Variants in RASGRF1 observed in about 807,000 individuals in gnomAD.
RASGRF1 encodes Ras protein specific guanine nucleotide releasing factor 1, also known as ras-specific guanine nucleotide-releasing factor 1.
Under a neutral mutation model 138.7 loss-of-function variants are expected in RASGRF1, and 40 were observed. The observed-to-expected ratio is 0.29, with a 90% CI of 0.22 to 0.38. The LOEUF (loss-of-function observed/expected upper bound fraction) is 0.38, where lower values mean the gene tolerates loss of function less well. RASGRF1 is among the 10% of genes least tolerant of loss of function. RASGRF1 has a pLI of 1.00. For missense variants in RASGRF1, 1,108 were observed against 1,650.4 expected (o/e 0.67, Z 5.69); for synonymous variants, 614 against 663.2 (o/e 0.93, Z 1.14).
chr15:78,987,795 AGACGG>A (rs2056192232), intron 22 of RASGRF1, among the ~76,000 whole-genome samples: 1 of 152,132 alleles, frequency 6.6e-6, no homozygotes, highest in South Asian at 2.1e-4. Flanking sequence ...TTGTGGAGAG[AGACGG>A]GACTAGGGTG....
At chr15:79,019,341 CT>C (rs2056926106) in intron 11 of RASGRF1, among the ~76,000 whole-genome samples, 1 of 152,298 alleles carries the variant, frequency 6.6e-6, no homozygotes, top group African/African-American at 2.4e-5. Context: ...ATCCCACCCC[CT>C]AATCTGAATA....
intron 10 of RASGRF1, among the ~76,000 whole-genome samples, chr15:79,020,978 G>C (rs1268327026): frequency 6.6e-6 from 1 of 152,164 alleles, no homozygotes; most frequent in African/African-American, 2.4e-5. Context: ...TGTTGTGGGG[G>C]ACACCAACTG....
chr15:79,067,795 A>G (rs2057699638), intron 1 of RASGRF1, among the ~76,000 whole-genome samples: 1 of 152,132 alleles, frequency 6.6e-6, no homozygotes, highest in South Asian at 2.1e-4. Context: ...GAGATAAGAT[A>G]GAGATAGATG....
At chr15:78,990,582 A>G (rs1225329507) in intron 21 of RASGRF1, among the ~76,000 whole-genome samples, 4 of 146,820 alleles carry the variant, frequency 2.7e-5, no homozygotes, top group Non-Finnish European at 4.6e-5. Context: ...GAAGGCACAC[A>G]TGGTGGAAAT....
intron 1 of RASGRF1, among the ~76,000 whole-genome samples, chr15:79,089,397 A>C (rs1595984896): frequency 1.3e-5 from 2 of 151,072 alleles, no homozygotes; most frequent in African/African-American, 4.9e-5. Context: ...GCTCACCCCC[A>C]CCCCGCCCGG....
chr15:79,047,683 C>A (rs2057373354), intron 4 of RASGRF1, among the ~76,000 whole-genome samples: 1 of 152,158 alleles, frequency 6.6e-6, no homozygotes, highest in Non-Finnish European at 1.5e-5. Context: ...TGGAGCTGGG[C>A]TGCTTGGAGT....
At position 78,973,890 on chromosome 15, in the gene RASGRF1, C is replaced by T. The variant is rs1225416308; in HGVS notation, c.3495-470G>A. The stretch of plus-strand genomic sequence containing the variant: ...CAGTCACCCTATCTGACACCCTTGT[C>T]TCTGCTCCCTGAGACCTCTCCTGTC... On this transcript the variant is annotated intron_variant, in intron 24 of 26. Coordinates refer to ENST00000558480, the MANE Select transcript of RASGRF1 (RefSeq NM_001145648.3). The surrounding 1 kb of genome is among the most constrained non-coding windows in gnomAD (Gnocchi z 4.9). Among the ~76,000 whole-genome samples, 2 of 152,214 alleles carry T rather than the reference C, an allele frequency of 1.3e-5. No individual in the cohort carries two copies. Among genetic ancestry groups the T allele is most frequent in the Non-Finnish European group, 2.9e-5 (2 of 68,034 alleles).
Position 78,991,721 on chromosome 15 carries a change from T to A in RASGRF1, c.3101A>T (p.Asp1034Val), listed in dbSNP as rs1207506481. ...LEIAEQLTLL[D>V]HLVFKKIPYE... ...AGGAATCTTCTTGAAGACGAGGTGA[T>A]CTAGCAGGGTCAGCTGCTCCGCGAT... The change falls in exon 21 of 27, where the codon GAT becomes GTT. Residue 1034 changes from aspartate to valine, a missense_variant. Asp to Val is a radical substitution (Grantham distance 152). This residue lies in a region of RASGRF1 where 686 missense variants were observed against 976.7 expected (regional missense o/e 0.70). Transcript: ENST00000558480. The A allele has an allele frequency of 6.2e-7, 1 of 1,613,998 alleles. No homozygotes were observed. The highest frequency in any genetic ancestry group is 8.5e-7 in the Non-Finnish European group (1 of 1,180,016).
At chr15:79,089,114 G>C (rs543181637) in intron 1 of RASGRF1, among the ~76,000 whole-genome samples, 1 of 152,180 alleles carries the variant, frequency 6.6e-6, no homozygotes, top group Non-Finnish European at 1.5e-5. Context: ...TTGAGATCTC[G>C]GTTGTCTTTT....
At chr15:79,049,903 C>A (rs1483381881) in intron 3 of RASGRF1, among the ~76,000 whole-genome samples, 1 of 152,224 alleles carries the variant, frequency 6.6e-6, no homozygotes. Flanking sequence ...CATTTGTAAT[C>A]TCAGAATTTG....
chr15:79,024,036 T>C (rs62011197), intron 10 of RASGRF1, among the ~76,000 whole-genome samples: 65 of 106,834 alleles, frequency 6.1e-4, no homozygotes, highest in Middle Eastern at 5.7e-3. Flanking sequence ...CACACACACA[T>C]ACAAACACAC....
At chr15:79,028,052 C>T (rs939283030) in intron 8 of RASGRF1, among the ~76,000 whole-genome samples, 193 bp from the exon 9 acceptor site, 3 of 152,150 alleles carry the variant, frequency 2.0e-5, no homozygotes, top group African/African-American at 4.8e-5. Context: ...TTCATAGGCA[C>T]GACCTCATTT....
chr15:79,032,311 G>A lies in RASGRF1; in HGVS notation c.964C>T (p.Leu322=). 1 of 1,613,866 alleles carries A rather than the reference G, an allele frequency of 6.2e-7. No homozygotes were observed. The highest frequency in any genetic ancestry group is 8.5e-7 in the Non-Finnish European group (1 of 1,179,846). The change falls in exon 7 of 27, where the codon CTA becomes TTA. Residue 322 remains leucine, a synonymous_variant. Coordinates refer to ENST00000558480, the MANE Select transcript of RASGRF1 (RefSeq NM_001145648.3). This position sits in a 1 kb window ranked among gnomAD's most constrained non-coding sequence, Gnocchi z 4.5. ...SSWPTLVLAD[L]FDILLPMLNI... ...AGCATGGGCAGCAGGATGTCAAATA[G>A]GTCAGCTGGAAGGACGAGGCAGTCA...
chr15:79,061,431 T>TATATATATATATA (rs1555461889), intron 2 of RASGRF1, among the ~76,000 whole-genome samples: 7 of 144,580 alleles, frequency 4.8e-5, no homozygotes, highest in South Asian at 2.2e-4. Flanking sequence ...TATATATATA[T>TATATATATATATA]CATTCATTTT....
chr15:79,030,245 G>A (rs570267018), intron 8 of RASGRF1, among the ~76,000 whole-genome samples: 1 of 152,262 alleles, frequency 6.6e-6, no homozygotes, highest in Admixed American at 6.5e-5. Context: ...TTAGGGCACT[G>A]AGTGTTTGGC....
chr15:78,996,287 G>A (rs1179862827), intron 19 of RASGRF1, among the ~76,000 whole-genome samples: 5 of 152,206 alleles, frequency 3.3e-5, no homozygotes, highest in African/African-American at 7.2e-5. Flanking sequence ...TGGTACACAC[G>A]GTGGGGAATG....
Position 79,013,359 on chromosome 15 carries a change from A to C in RASGRF1, c.1826+1968T>G, listed in dbSNP as rs1389061605. On this transcript the variant is annotated intron_variant, in intron 13 of 26. Transcript: ENST00000558480. ...TCATGAGGGGAATAATTCCTTATCA[A>C]CTTGTGCAGAGGCTTAAAGACCTGG... Among the ~76,000 whole-genome samples the C allele has an allele frequency of 5.9e-5, 9 of 152,228 alleles. No homozygotes were observed. The South Asian group carries it at 1.9e-3, about 31-fold the overall frequency.
intron 26 of RASGRF1, among the ~76,000 whole-genome samples, chr15:78,964,856 T>C (rs2055612199): frequency 6.6e-6 from 1 of 152,136 alleles, no homozygotes; most frequent in South Asian, 2.1e-4. Context: ...TACTTTTCCA[T>C]AGTTGTACCT....
chr15:79,008,126 C>A (rs189702797), intron 13 of RASGRF1, among the ~76,000 whole-genome samples: 2 of 152,228 alleles, frequency 1.3e-5, no homozygotes, highest in Non-Finnish European at 2.9e-5. Flanking sequence ...CAGGCGTGAG[C>A]CACCGCACCT....
Sources: allele counts gnomAD v4.1 joint callset (sites outside exome capture counted in the v4.1 genomes callset), GRCh38; gene constraint gnomAD v4.1.1; regional missense constraint gnomAD v4.1.1; non-coding constraint Gnocchi (gnomAD v3.1); transcripts MANE v1.5; gene names NCBI Gene and HGNC (gene_info 2026-07-23, HGNC 2026-07-21).